GSR: variants seen among roughly 807,000 people sequenced by gnomAD.
GSR encodes the protein glutathione-disulfide reductase, also known as glutathione reductase, mitochondrial.
In GSR, 48 loss-of-function variants were observed where a neutral mutation model predicts 56.5. That is an observed-to-expected ratio of 0.85 (90% CI 0.67 to 1.08). The LOEUF is 1.08. Among genes scored for constraint, GSR ranks in the 50% least tolerant of loss-of-function variants. GSR has a pLI of 0.00. For missense variants in GSR, 694 were observed against 703.3 expected (o/e 0.99, Z 0.15); for synonymous variants, 264 against 270.8 (o/e 0.97, Z 0.25).
In GSR at chr8:30,709,906, T is replaced by TAAAAA; in HGVS notation, c.334-9_334-5dup. 5 of 999,706 alleles carry TAAAAA rather than the reference T, an allele frequency of 5.0e-6. No individual in the cohort carries two copies. Among genetic ancestry groups the TAAAAA allele is most frequent in the South Asian group, 1.5e-5 (1 of 67,156 alleles). 61.9% of individuals were successfully genotyped at this position (999,706 alleles called of 1,614,324 possible). On this transcript the variant is annotated splice_region_variant and splice_polypyrimidine_tract_variant and intron_variant, in intron 2 of 12. Transcript: ENST00000221130. ...GGACAGCTGTGTTCCACATTACCTG[T>TAAAAA]AAAAAAAAAAAAAAAAAAGGATCCA...
At chr8:30,708,213 C>G in intron 3 of GSR, 72 bp from the exon 4 acceptor site, 1 of 1,040,812 alleles carries the variant, frequency 9.6e-7, no homozygotes, top group Non-Finnish European at 1.5e-6. Flanking sequence ...GGCATCTGTC[C>G]CTGAACACCC....
At chr8:30,698,311 A>T (rs1006110299) in intron 6 of GSR, among the ~76,000 whole-genome samples, 6 of 152,232 alleles carry the variant, frequency 3.9e-5, no homozygotes, top group African/African-American at 9.6e-5. Context: ...GCTAATGAAC[A>T]GCTATTTATA....
At chr8:30,694,897 C>A (rs75350485) in intron 7 of GSR, among the ~76,000 whole-genome samples, 332 of 99,634 alleles carry the variant, frequency 3.3e-3, no homozygotes, top group Middle Eastern at 5.6e-3. Flanking sequence ...GACTCTGTCT[C>A]AAAAAAAAAA....
At chr8:30,727,487 G>T in intron 1 of GSR, 43 bp downstream of exon 1, 2 of 1,509,130 alleles carry the variant, frequency 1.3e-6, no homozygotes, top group Non-Finnish European at 1.8e-6. Flanking sequence ...GAAAGACCGA[G>T]ACAAAGAGGC....
chr8:30,705,509 G>A (rs1021437108), intron 4 of GSR, among the ~76,000 whole-genome samples: 3 of 152,066 alleles, frequency 2.0e-5, no homozygotes, highest in South Asian at 2.1e-4. Context: ...TGATCCACTC[G>A]CTTCGGCCTC....
chr8:30,698,491 C>T (rs529888921), intron 6 of GSR, among the ~76,000 whole-genome samples: 8 of 152,284 alleles, frequency 5.3e-5, no homozygotes, highest in East Asian at 3.9e-4. Context: ...CACATTTCTG[C>T]GACCTGATAG....
intron 9 of GSR, 147 bp downstream of exon 9, chr8:30,689,014 A>G: frequency 1.4e-6 from 1 of 698,412 alleles, no homozygotes; most frequent in Middle Eastern, 3.3e-4. Context: ...GGAAGAAGCA[A>G]TGAAATTTGA....
intron 10 of GSR, 86 bp downstream of exon 10, chr8:30,684,002 A>C: frequency 1.3e-6 from 1 of 796,592 alleles, no homozygotes; most frequent in African/African-American, 1.7e-5. Context: ...AACTTTGCTT[A>C]AGCAGACTGC....
chr8:30,723,197 G>A (rs1804605875), intron 1 of GSR, among the ~76,000 whole-genome samples: 1 of 152,166 alleles, frequency 6.6e-6, no homozygotes, highest in East Asian at 1.9e-4. Context: ...CACGTGTGTA[G>A]GCAGAGAAGC....
intron 7 of GSR, among the ~76,000 whole-genome samples, chr8:30,694,468 C>A (rs561920376): frequency 1.3e-5 from 2 of 152,264 alleles, no homozygotes; most frequent in East Asian, 3.9e-4. Context: ...TACCACTACA[C>A]CTTGCTAATT....
chr8:30,724,094 G>A (rs781701937), intron 1 of GSR, among the ~76,000 whole-genome samples: 17 of 152,074 alleles, frequency 1.1e-4, no homozygotes, highest in Non-Finnish European at 2.9e-5. Flanking sequence ...AACTTCTGCC[G>A]TGCACAGTGG....
chr8:30,685,281 A>G (rs1415822850), intron 9 of GSR, among the ~76,000 whole-genome samples: 2 of 151,938 alleles, frequency 1.3e-5, no homozygotes, highest in Non-Finnish European at 2.9e-5. Flanking sequence ...TTTTTATAGA[A>G]TAGGTCTTGC....
intron 1 of GSR, among the ~76,000 whole-genome samples, chr8:30,719,979 G>A (rs1262289787): frequency 1.3e-5 from 2 of 152,136 alleles, no homozygotes; most frequent in African/African-American, 4.8e-5. Context: ...GGGAGGTGAG[G>A]TGGGAGGACT....
chr8:30,686,569 T>G (rs1803168995), intron 9 of GSR, among the ~76,000 whole-genome samples: 3 of 152,004 alleles, frequency 2.0e-5, no homozygotes, highest in Non-Finnish European at 4.4e-5. Flanking sequence ...CGCCTGTAGT[T>G]CCTACTACTT....
Position 30,699,163 on chromosome 8 carries a change from C to T in GSR, c.695+918G>A, listed in dbSNP as rs186979198. Among the ~76,000 whole-genome samples, 12 of 152,052 alleles carry T rather than the reference C, an allele frequency of 7.9e-5. No homozygotes were observed. In the East Asian group the frequency reaches 1.6e-3, roughly 20 times the overall value. On this transcript the variant is annotated intron_variant, in intron 6 of 12. Coordinates refer to ENST00000221130, the MANE Select transcript of GSR (RefSeq NM_000637.5). ...AAAGTTAACCAGGTATGGTGGTGCA[C>T]GTTTGTAGTCCCAGCTACTCGGGAG...
intron 4 of GSR, chr8:30,704,632 A>G (rs1803865847): frequency 6.6e-6 from 1 of 152,194 alleles, no homozygotes; most frequent in Non-Finnish European, 1.5e-5. Context: ...GGGCATGCAA[A>G]TGTGGTCAAC....
intron 3 of GSR, among the ~76,000 whole-genome samples, chr8:30,709,593 A>G (rs1173623591): frequency 6.6e-6 from 1 of 152,196 alleles, no homozygotes; most frequent in African/African-American, 2.4e-5. Context: ...TGTTTGGGAT[A>G]GCAGAAAAGT....
At chr8:30,712,908 T>C (rs1025610650) in intron 1 of GSR, among the ~76,000 whole-genome samples, 1 of 152,224 alleles carries the variant, frequency 6.6e-6, no homozygotes, top group African/African-American at 2.4e-5. Flanking sequence ...AAAAGCGAAA[T>C]GCACAAATGC....
At chr8:30,693,538 T>C (rs538131883) in intron 7 of GSR, among the ~76,000 whole-genome samples, 1 of 149,602 alleles carries the variant, frequency 6.7e-6, no homozygotes, top group South Asian at 2.1e-4. Context: ...CTTTTATTTT[T>C]ATTTTTTTGA....
Sources: gnomAD v4.1 joint callset for allele counts (sites outside exome capture counted in the v4.1 genomes callset) on GRCh38, gnomAD v4.1.1 for gene constraint, MANE v1.5 for transcripts, NCBI Gene and HGNC (gene_info 2026-07-23, HGNC 2026-07-21) for gene names.